Variants in ANK3 observed in about 807,000 individuals in gnomAD.
ANK3 encodes the protein ankyrin-3.
Under a neutral mutation model 370.9 loss-of-function variants are expected in ANK3, and 57 were observed. The ratio of observed to expected loss-of-function variants is 0.15; its 90% CI spans 0.12 to 0.19. The LOEUF (loss-of-function observed/expected upper bound fraction) is 0.19, where lower values mean the gene tolerates loss of function less well. ANK3 is among the 10% of genes least tolerant of loss of function. The pLI, the probability that ANK3 is intolerant of heterozygous loss-of-function variation, is 1.00. For missense variants in ANK3, 4,439 were observed against 5,302.1 expected, an observed-to-expected ratio of 0.84 and a Z score of 5.06; for synonymous variants, 1,929 against 1,946.3, an observed-to-expected ratio of 0.99 and a Z score of 0.23.
chr10:60,507,881 C>T lies in ANK3; in HGVS notation c.96+107305G>A, dbSNP rs2075981210. ...AGTAAGTTGAATAGGAATCCACATT[C>T]CTATTTAGCTTAAAATGCCTCTGGA... On this transcript the variant is annotated intron_variant, in intron 2 of 43. Transcript: ENST00000373827. 2.0e-5 allele frequency: 3 copies of T among 152,018 alleles called. No individual in the cohort carries two copies. The South Asian group carries it at 6.2e-4, about 32-fold the overall frequency. 9.4% of individuals were successfully genotyped at this position (152,018 alleles called of 1,614,324 possible).
Position 60,172,400 on chromosome 10 carries a change from C to T in ANK3, c.2386G>A (p.Gly796Arg). 6.2e-7 allele frequency: 1 copy of T among 1,613,716 alleles called. No individual in the cohort carries two copies. The highest frequency in any genetic ancestry group is 8.5e-7 in the Non-Finnish European group (1 of 1,179,678). Residue 796 changes from glycine to arginine, a missense_variant, in exon 21 of 44, where the codon GGG becomes AGG. Coordinates refer to ENST00000280772, the MANE Select transcript of ANK3 (RefSeq NM_020987.5). ...NASPNELTVNGNTALGIARRL... is the reference protein window; with the variant it reads ...NASPNELTVNRNTALGIARRL... The stretch of plus-strand genomic sequence containing the variant: ...CGGGCAATGCCAAGGGCAGTATTCC[C>T]ATTCTGGCAAAAGGAAAATGTGAGT...
chr10:60,181,364 C>T lies in ANK3; in HGVS notation c.2149G>A (p.Val717Ile), dbSNP rs369486517. 6.2e-6 allele frequency: 10 copies of T among 1,614,044 alleles called. No homozygotes were observed. Among genetic ancestry groups the T allele is most frequent in the African/African-American group, 2.7e-5 (2 of 74,918 alleles). Residue 717 changes from valine to isoleucine, a missense_variant, in exon 18 of 44, where the codon GTA becomes ATA. Physicochemically the swap from Val to Ile is conservative, Grantham distance 29. Transcript: ENST00000280772. ...EDRVNVAEVL[V>I]NQGAHVDAQT... ...GCGTCCACATGAGCCCCTTGGTTTACGAGGACTTCTGCCACATTCACTCGA... is the reference window on the plus strand; with the variant it reads ...GCGTCCACATGAGCCCCTTGGTTTATGAGGACTTCTGCCACATTCACTCGA...
intron 2 of ANK3, among the ~76,000 whole-genome samples, chr10:60,451,845 A>G (rs912306554): frequency 1.3e-5 from 2 of 152,110 alleles, no homozygotes; most frequent in Non-Finnish European, 2.9e-5. Context: ...TGAGGAACTG[A>G]GTGATTTTTG....
At chr10:60,497,811 A>G (rs1352343434) in intron 2 of ANK3, among the ~76,000 whole-genome samples, 3 of 152,196 alleles carry the variant, frequency 2.0e-5, no homozygotes, top group Non-Finnish European at 4.4e-5. Flanking sequence ...CCTAGATGAT[A>G]ACACAGAGAT....
chr10:60,423,788 A>G (rs2063824828), intron 2 of ANK3, among the ~76,000 whole-genome samples: 1 of 152,162 alleles, frequency 6.6e-6, no homozygotes, highest in South Asian at 2.1e-4. Flanking sequence ...GAAAACCCAG[A>G]ATATACACTT....
intron 42 of ANK3, among the ~76,000 whole-genome samples, chr10:60,050,926 T>A (rs942411535): frequency 1.3e-5 from 2 of 151,876 alleles, no homozygotes; most frequent in Non-Finnish European, 2.9e-5. Flanking sequence ...TTTTTTTTTT[T>A]ACTTGACTTG....
At position 60,140,311 on chromosome 10, in the gene ANK3, A is replaced by G. The variant is rs1207926748; in HGVS notation, c.2615-1224T>C. ...CTATTTGCACATTCACTGCATCTCA[A>G]ACAAAAACAGCACACACCAAGTACA... On this transcript the variant is annotated intron_variant, in intron 23 of 43. Transcript: ENST00000280772. 4 of 1,607,686 alleles carry G rather than the reference A, an allele frequency of 2.5e-6. No individual in the cohort carries two copies. In the Admixed American group the frequency reaches 5.0e-5, roughly 20 times the overall value.
At chr10:60,548,393 T>G (rs1007133581) in intron 2 of ANK3, among the ~76,000 whole-genome samples, 3 of 151,160 alleles carry the variant, frequency 2.0e-5, no homozygotes, top group African/African-American at 7.3e-5. Flanking sequence ...TGTGTGCGTG[T>G]TTTTTTTGTT....
intron 2 of ANK3, among the ~76,000 whole-genome samples, chr10:60,407,026 A>T (rs2063469941): frequency 6.6e-6 from 1 of 152,088 alleles, no homozygotes; most frequent in Non-Finnish European, 1.5e-5. Context: ...GAAATATATC[A>T]TTTTCCCTGC....
intron 2 of ANK3, among the ~76,000 whole-genome samples, chr10:60,530,011 G>A (rs1348574897): frequency 6.6e-6 from 1 of 152,142 alleles, no homozygotes; most frequent in African/African-American, 2.4e-5. Flanking sequence ...TGCTTTTGAA[G>A]GAGAAGGAAA....
intron 1 of ANK3, among the ~76,000 whole-genome samples, chr10:60,674,024 T>C (rs1589007948): frequency 6.6e-6 from 1 of 152,170 alleles, no homozygotes; most frequent in Non-Finnish European, 1.5e-5. Context: ...CAAAGCCTAC[T>C]GGAGCCATAA....
chr10:60,083,535 T>A lies in ANK3; in HGVS notation c.4157A>T (p.Asn1386Ile), dbSNP rs2085824853. 1 of 1,611,852 alleles carries A rather than the reference T, an allele frequency of 6.2e-7. No individual in the cohort carries two copies. Among genetic ancestry groups the A allele is most frequent in the African/African-American group, 1.3e-5 (1 of 74,874 alleles). Residue 1386 changes from asparagine (N) to isoleucine (I), a missense_variant, in exon 33 of 44, where the codon AAC becomes ATC. Around this residue, in one of 13 missense-constraint regions of ANK3, gnomAD observed 702 missense variants for 941.5 expected, o/e 0.75. Transcript: ENST00000280772. ...TCTATTTTCTTTGAAAGAATAAAAG[T>A]TAAAAACAAGTTGCTGTCCTCCTTT... is the stretch of plus-strand genomic sequence containing the variant. ...LTKGGQQLVF[N>I]FYSFKENRLP...
intron 1 of ANK3, among the ~76,000 whole-genome samples, chr10:60,662,365 G>A (rs2078945763): frequency 6.6e-6 from 1 of 152,052 alleles, no homozygotes; most frequent in African/African-American, 2.4e-5. Flanking sequence ...GTATAACATG[G>A]AAATTATATA....
At chr10:60,255,960 T>C (rs563556194) in intron 7 of ANK3, among the ~76,000 whole-genome samples, 21 of 152,052 alleles carry the variant, frequency 1.4e-4, no homozygotes, top group Non-Finnish European at 2.5e-4. Flanking sequence ...GGTTCCCACT[T>C]GGGGGAAATG....
intron 1 of ANK3, among the ~76,000 whole-genome samples, chr10:60,289,720 T>C (rs2040889471): frequency 6.6e-6 from 1 of 152,170 alleles, no homozygotes. Context: ...AGCCAGAAAC[T>C]AAAGATGAGA....
intron 1 of ANK3, among the ~76,000 whole-genome samples, chr10:60,372,825 T>C (rs2060283263): frequency 6.6e-6 from 1 of 152,348 alleles, no homozygotes; most frequent in Non-Finnish European, 1.5e-5. Context: ...TTCAGATGTC[T>C]ACAGTAGCTT....
At chr10:60,040,004 A>T (rs896159706) in intron 43 of ANK3, among the ~76,000 whole-genome samples, 1 of 152,238 alleles carries the variant, frequency 6.6e-6, no homozygotes, top group East Asian at 1.9e-4. Flanking sequence ...GTAAAAGGTC[A>T]CAAGCAAAAT....
intron 2 of ANK3, among the ~76,000 whole-genome samples, chr10:60,612,816 C>A (rs975572976): frequency 3.3e-5 from 5 of 152,184 alleles, no homozygotes; most frequent in African/African-American, 9.7e-5. Context: ...ATCATTTCAG[C>A]CTGGTATTCC....
chr10:60,414,984 G>A (rs532825195), intron 2 of ANK3, among the ~76,000 whole-genome samples: 1 of 152,320 alleles, frequency 6.6e-6, no homozygotes, highest in South Asian at 2.1e-4. Context: ...TTTCCTTCGA[G>A]GTCCTCTGGA....
Sources: gnomAD v4.1 joint callset for allele counts (sites outside exome capture counted in the v4.1 genomes callset) on GRCh38, gnomAD v4.1.1 for gene constraint, gnomAD v4.1.1 regional missense constraint, MANE v1.5 for transcripts, NCBI Gene and HGNC (gene_info 2026-07-23, HGNC 2026-07-21) for gene names.